The following PLEKHA6 variants were observed in gnomAD, a reference collection of about 807,000 sequenced individuals.
The protein encoded by PLEKHA6 is pleckstrin homology domain containing A6, also known as pleckstrin homology domain-containing family A member 6.
Under a neutral mutation model 116.7 loss-of-function variants are expected in PLEKHA6, and 60 were observed. That is an observed-to-expected ratio of 0.51 (90% CI 0.42 to 0.64). The LOEUF is 0.64. Ranked by LOEUF, PLEKHA6 falls within the 30% of genes least tolerant of loss-of-function variation. The pLI is 0.00. For synonymous variants in PLEKHA6, 489 were observed against 556.1 expected (o/e 0.88, Z 1.70); for missense variants, 1,338 against 1,422.7 (o/e 0.94, Z 0.96).
chr1:204,244,635 C>T (rs1268057351), intron 15 of PLEKHA6, among the ~76,000 whole-genome samples: 2 of 152,180 alleles, frequency 1.3e-5, no homozygotes, highest in Non-Finnish European at 2.9e-5. Context: ...GAACAGGCTT[C>T]ACTGCAAGGG....
At position 204,281,990 on chromosome 1, in the gene PLEKHA6, G is replaced by A. The variant is rs569859387; in HGVS notation, c.-94-7181C>T. Among the ~76,000 whole-genome samples the A allele has an allele frequency of 3.9e-5, 6 of 152,298 alleles. No individual in the cohort carries two copies. In the South Asian group the frequency reaches 1.2e-3, roughly 32 times the overall value. On this transcript the variant is annotated intron_variant, in intron 1 of 22. Coordinates refer to ENST00000272203, the MANE Select transcript of PLEKHA6 (RefSeq NM_014935.5). ...CTCCCACCACAGGCAGAAGATAGAA[G>A]AGATGGCTCCGTGGACAAGGGAGAG...
chr1:204,285,918 C>A (rs568875996), intron 1 of PLEKHA6, among the ~76,000 whole-genome samples: 4 of 152,264 alleles, frequency 2.6e-5, no homozygotes, highest in Non-Finnish European at 5.9e-5. Flanking sequence ...CAACCTCTAG[C>A]TGACGCTTGG....
At chr1:204,237,427 C>A (rs754811112) in intron 17 of PLEKHA6, among the ~76,000 whole-genome samples, 7 of 152,182 alleles carry the variant, frequency 4.6e-5, no homozygotes, top group Non-Finnish European at 1.0e-4. Flanking sequence ...CAATCAAGGA[C>A]TTGAAAGATG....
At chr1:204,333,221 T>A (rs546194928) in intron 1 of PLEKHA6, among the ~76,000 whole-genome samples, 1 of 152,148 alleles carries the variant, frequency 6.6e-6, no homozygotes, top group South Asian at 2.1e-4. Flanking sequence ...CAGGGAGGAA[T>A]GATCTGGCCC....
chr1:204,259,607 C>T lies in PLEKHA6; in HGVS notation c.658G>A (p.Glu220Lys). The part of the protein sequence containing the change: ...EGDGRGCEKA[E>K]RRPERPEVKK... Reference sequence around the variant, plus strand: ...ACTTCTGGCCTCTCAGGCCTTCTCTCTGCCTTCTCACAGCCTCGGCCATCA... The same window carrying T: ...ACTTCTGGCCTCTCAGGCCTTCTCTTTGCCTTCTCACAGCCTCGGCCATCA... Residue 220 changes from glutamate (E) to lysine (K), a missense_variant, in exon 8 of 23, where the codon GAG (glutamate) becomes AAG (lysine). Glu to Lys is a moderately conservative substitution (Grantham distance 56, BLOSUM62 1). Transcript: ENST00000272203. This position sits in a 1 kb window ranked among gnomAD's most constrained non-coding sequence, Gnocchi z 4.6. 2 of 1,614,158 alleles carry T rather than the reference C, an allele frequency of 1.2e-6. No individual in the cohort carries two copies. The highest frequency in any genetic ancestry group is 1.1e-5 in the South Asian group (1 of 91,090).
At chr1:204,341,568 T>A (rs983395687) in intron 1 of PLEKHA6, among the ~76,000 whole-genome samples, 1 of 152,192 alleles carries the variant, frequency 6.6e-6, no homozygotes, top group African/African-American at 2.4e-5. Context: ...AATGAGCTTC[T>A]AAGGGTGCAC....
intron 15 of PLEKHA6, chr1:204,243,278 A>G: frequency 2.5e-6 from 1 of 399,850 alleles, no homozygotes; most frequent in Non-Finnish European, 4.4e-6. Context: ...GGCAGACAGA[A>G]GCCAGAGCAT....
chr1:204,242,505 C>T (rs1052052820), intron 15 of PLEKHA6, among the ~76,000 whole-genome samples: 2 of 152,180 alleles, frequency 1.3e-5, no homozygotes, highest in African/African-American at 4.8e-5. Flanking sequence ...ATAGCTAAAC[C>T]TAGATGAGCA....
chr1:204,339,242 C>T (rs186045122), intron 1 of PLEKHA6, among the ~76,000 whole-genome samples: 3 of 152,172 alleles, frequency 2.0e-5, no homozygotes, highest in Non-Finnish European at 4.4e-5. Flanking sequence ...CCCAGCCAGT[C>T]GAGCCTTCAG....
intron 12 of PLEKHA6, among the ~76,000 whole-genome samples, chr1:204,248,400 C>T (rs949555384): frequency 5.3e-5 from 8 of 152,126 alleles, no homozygotes; most frequent in African/African-American, 9.7e-5. Flanking sequence ...GTGATCCACC[C>T]GCCTTGGCCT....
intron 1 of PLEKHA6, among the ~76,000 whole-genome samples, chr1:204,351,190 G>A (rs1357831229): frequency 6.6e-6 from 1 of 151,680 alleles, no homozygotes; most frequent in Non-Finnish European, 1.5e-5. Context: ...CAGGCAGGGG[G>A]AGTGGGGTGT....
intron 1 of PLEKHA6, among the ~76,000 whole-genome samples, chr1:204,329,103 G>A (rs1672355546): frequency 6.6e-6 from 1 of 152,170 alleles, no homozygotes; most frequent in Non-Finnish European, 1.5e-5. Flanking sequence ...AAAGAGCCTG[G>A]GGTGATTAGA....
In PLEKHA6 at chr1:204,282,676, G is replaced by A. The variant is rs534150085; in HGVS notation, c.-94-7867C>T. The A allele has an allele frequency of 1.7e-5, 17 of 985,350 alleles. 1 individual carries two copies. Among genetic ancestry groups the A allele is most frequent in the Middle Eastern group, 1.0e-3 (2 of 1,914 alleles). The allele number at this position is 985,350 out of a possible 1,614,324, so 61.0% of individuals were successfully genotyped here. The stretch of plus-strand genomic sequence containing the variant: ...GTGTCTTCCAATTGTGGGGAACTGC[G>A]ATTCTACCACCCAGAAGCTGCCATG... On this transcript the variant is annotated intron_variant, in intron 1 of 22. Coordinates refer to ENST00000272203, the MANE Select transcript of PLEKHA6 (RefSeq NM_014935.5).
At chr1:204,283,683 G>A (rs114027224) in intron 1 of PLEKHA6, among the ~76,000 whole-genome samples, 5,561 of 152,260 alleles carry the variant, frequency 0.037, 329 homozygotes, top group African/African-American at 0.13. Context: ...CATGGTTCAG[G>A]GGGAGATGCC....
rs943510722 is a variant in PLEKHA6, at chr1:204,342,324, AAAAC to A, written c.-95+17366_-95+17369del. On this transcript the variant is annotated intron_variant, in intron 1 of 22. Transcript: ENST00000272203. ...CAAGACCAGCCTGGGCAACATAGCA[AAAAC>A]AAACAAACAAACAAAAAAACCTTTA... Among the ~76,000 whole-genome samples, 7 of 152,256 alleles carry A rather than the reference AAAAC, an allele frequency of 4.6e-5. No individual in the cohort carries two copies. In the South Asian group the frequency reaches 1.0e-3, roughly 22 times the overall value.
At chr1:204,325,784 G>A (rs889629456) in intron 1 of PLEKHA6, 42 of 405,448 alleles carry the variant, frequency 1.0e-4, no homozygotes, top group African/African-American at 5.2e-4. Flanking sequence ...AGGCCTTGGC[G>A]CAAGACTCTA....
At chr1:204,354,686 C>A (rs565080316) in intron 1 of PLEKHA6, among the ~76,000 whole-genome samples, 1 of 152,272 alleles carries the variant, frequency 6.6e-6, no homozygotes, top group South Asian at 2.1e-4. Flanking sequence ...AGGATTTGAA[C>A]CCATGTCTTC....
intron 1 of PLEKHA6, chr1:204,317,178 A>G: frequency 2.3e-6 from 2 of 864,606 alleles, no homozygotes; most frequent in South Asian, 1.1e-4. Flanking sequence ...AGAAAGTTAA[A>G]CCAAAGAGTT....
intron 15 of PLEKHA6, 108 bp downstream of exon 15, chr1:204,244,756 G>A (rs1663398533): frequency 4.9e-6 from 4 of 813,162 alleles, no homozygotes; most frequent in Non-Finnish European, 7.3e-6. Context: ...CAGCACTAGG[G>A]CTGGAGGCCT....
Sources: allele counts gnomAD v4.1 joint callset (sites outside exome capture counted in the v4.1 genomes callset), GRCh38; gene constraint gnomAD v4.1.1; non-coding constraint Gnocchi (gnomAD v3.1); transcripts MANE v1.5; gene names NCBI Gene and HGNC (gene_info 2026-07-23, HGNC 2026-07-21).